PRKN: variants seen among roughly 807,000 people sequenced by gnomAD.
PRKN encodes parkin RBR E3 ubiquitin protein ligase, also known as E3 ubiquitin-protein ligase parkin.
In PRKN, 56 loss-of-function variants were observed where a neutral mutation model predicts 59.5. The ratio of observed to expected loss-of-function variants is 0.94; its 90% CI spans 0.76 to 1.18. The LOEUF (loss-of-function observed/expected upper bound fraction) is 1.18, where lower values mean the gene tolerates loss of function less well. Ranked by LOEUF, PRKN falls within the 50% of genes most tolerant of loss-of-function variation. PRKN has a pLI of 0.00. For missense variants in PRKN, 657 were observed against 596.4 expected (o/e 1.10, Z -1.06); for synonymous variants, 250 against 222.1 (o/e 1.13, Z -1.12).
At chr6:162,232,004 T>C (rs899204038) in intron 3 of PRKN, among the ~76,000 whole-genome samples, 6 of 152,148 alleles carry the variant, frequency 3.9e-5, no homozygotes, top group Non-Finnish European at 8.8e-5. Flanking sequence ...GGTCTGTCAC[T>C]GTGACCACTT....
chr6:161,509,638 GTGA>G (rs1284158087), intron 9 of PRKN, among the ~76,000 whole-genome samples: 1 of 15,380 alleles, frequency 6.5e-5, no homozygotes, highest in Admixed American at 4.2e-4. Flanking sequence ...TCAACACTTG[GTGA>G]GAGGCCGAGG....
At chr6:162,486,198 C>T (rs146204174) in intron 1 of PRKN, among the ~76,000 whole-genome samples, 2 of 152,216 alleles carry the variant, frequency 1.3e-5, no homozygotes, top group African/African-American at 2.4e-5. Context: ...GCTCTTAAAG[C>T]TGCATTACTA....
chr6:162,345,171 A>G (rs1021714651), intron 2 of PRKN, among the ~76,000 whole-genome samples: 1 of 152,186 alleles, frequency 6.6e-6, no homozygotes. Context: ...ATTGCTCCTC[A>G]CATATCAGCT....
chr6:161,685,221 T>C (rs1161180305), intron 7 of PRKN, among the ~76,000 whole-genome samples: 1 of 152,202 alleles, frequency 6.6e-6, no homozygotes, highest in Non-Finnish European at 1.5e-5. Flanking sequence ...CCCTCCTCCC[T>C]GTCTGGAATG....
In PRKN at chr6:161,574,977, C is replaced by A. The variant is rs146490044; in HGVS notation, c.872-5561G>T. 3.3e-5 allele frequency among the ~76,000 whole-genome samples: 5 copies of A among 152,276 alleles called. No homozygotes were observed. The East Asian group carries it at 9.7e-4, about 29-fold the overall frequency. ...CCACTTTTAAAGCCCGTCCTGCTGT[C>A]CTTGGAAATTTAAAAGAGAATGTCA... On this transcript the variant is annotated intron_variant, in intron 7 of 11. Coordinates refer to ENST00000366898, the MANE Select transcript of PRKN (RefSeq NM_004562.3).
At chr6:162,338,024 T>C (rs1381205102) in intron 2 of PRKN, among the ~76,000 whole-genome samples, 2 of 152,150 alleles carry the variant, frequency 1.3e-5, no homozygotes, top group African/African-American at 2.4e-5. Context: ...AAAAATTAAC[T>C]TTCCGATAAG....
At chr6:161,589,372 G>C (rs1421524400) in intron 7 of PRKN, among the ~76,000 whole-genome samples, 1 of 152,138 alleles carries the variant, frequency 6.6e-6, no homozygotes, top group Non-Finnish European at 1.5e-5. Flanking sequence ...TGAAAAATAA[G>C]ATTATACTTC....
intron 4 of PRKN, among the ~76,000 whole-genome samples, chr6:162,073,025 C>G (rs765739564): frequency 1.4e-4 from 21 of 152,270 alleles, no homozygotes; most frequent in African/African-American, 5.1e-4. Flanking sequence ...CATCCTCATG[C>G]TTCACTATCT....
At chr6:161,587,520 T>C (rs942162540) in intron 7 of PRKN, among the ~76,000 whole-genome samples, 1 of 152,202 alleles carries the variant, frequency 6.6e-6, no homozygotes, top group Non-Finnish European at 1.5e-5. Flanking sequence ...CTGTTTCAGA[T>C]AAAATTCATC....
intron 9 of PRKN, among the ~76,000 whole-genome samples, chr6:161,504,804 T>C (rs28578465): frequency 4.6e-5 from 7 of 151,260 alleles, no homozygotes; most frequent in Non-Finnish European, 8.8e-5. Flanking sequence ...GATAGTTTAC[T>C]GAGAATGATG....
Position 162,397,281 on chromosome 6 carries a change from G to C in PRKN, c.171+46029C>G, listed in dbSNP as rs147877223. Among the ~76,000 whole-genome samples, 204 of 152,188 alleles carry C rather than the reference G, an allele frequency of 1.3e-3. 1 individual carries two copies. Among genetic ancestry groups the C allele is most frequent in the African/African-American group, 4.7e-3 (193 of 41,502 alleles). Reference sequence around the variant, plus strand: ...GAAGGTAAGAAAAAGAAGCAAACTCGGGAATATCAACAGATTTGAGATGTC... The same window carrying C: ...GAAGGTAAGAAAAAGAAGCAAACTCCGGAATATCAACAGATTTGAGATGTC... On this transcript the variant is annotated intron_variant, in intron 2 of 11. Transcript: ENST00000366898.
chr6:161,642,243 G>C (rs1316108389), intron 7 of PRKN, among the ~76,000 whole-genome samples: 3 of 152,114 alleles, frequency 2.0e-5, no homozygotes, highest in Non-Finnish European at 4.4e-5. Context: ...GTCCATAAAT[G>C]TAATCAATAT....
At chr6:162,699,928 A>G (rs1428085669) in intron 1 of PRKN, among the ~76,000 whole-genome samples, 3 of 152,200 alleles carry the variant, frequency 2.0e-5, no homozygotes, top group African/African-American at 7.2e-5. Context: ...CATATCCTAG[A>G]GGAAGAGACT....
intron 4 of PRKN, among the ~76,000 whole-genome samples, chr6:162,146,906 T>G (rs181497966): frequency 2.0e-4 from 31 of 151,982 alleles, no homozygotes; most frequent in Non-Finnish European, 3.7e-4. Flanking sequence ...AATTTCTGTA[T>G]TTTTAGTAGA....
intron 4 of PRKN, among the ~76,000 whole-genome samples, chr6:162,137,433 T>C (rs1781597807): frequency 6.6e-6 from 1 of 152,212 alleles, no homozygotes; most frequent in African/African-American, 2.4e-5. Context: ...TTCTTCACTT[T>C]AAGGGTTATC....
At chr6:161,367,953 C>T (rs1785276239) in intron 10 of PRKN, among the ~76,000 whole-genome samples, 1 of 152,248 alleles carries the variant, frequency 6.6e-6, no homozygotes, top group South Asian at 2.1e-4. Flanking sequence ...GCCTGGCCTG[C>T]GAGCAGTCGG....
chr6:162,446,238 A>C lies in PRKN; in HGVS notation c.8-2765T>G, dbSNP rs897081500. Among the ~76,000 whole-genome samples the C allele has an allele frequency of 2.2e-4, 34 of 152,174 alleles. 1 individual carries two copies. The highest frequency in any genetic ancestry group is 2.0e-3 in the Admixed American group (31 of 15,274). On this transcript the variant is annotated intron_variant, in intron 1 of 11. Coordinates refer to ENST00000366898, the MANE Select transcript of PRKN (RefSeq NM_004562.3). Reference sequence around the variant, plus strand: ...AAGTTAGGGGCTATAGGGACAAAAGATATGACCCCAGTTCTAAATTTCATT... The same window carrying C: ...AAGTTAGGGGCTATAGGGACAAAAGCTATGACCCCAGTTCTAAATTTCATT...
At chr6:162,254,467 A>AG (rs1391324868) in intron 3 of PRKN, among the ~76,000 whole-genome samples, 1 of 151,958 alleles carries the variant, frequency 6.6e-6, no homozygotes, top group African/African-American at 2.4e-5. Flanking sequence ...AAAAAAAAAA[A>AG]AAAGGAAATA....
chr6:162,432,443 T>C (rs1789583406), intron 2 of PRKN, among the ~76,000 whole-genome samples: 1 of 152,108 alleles, frequency 6.6e-6, no homozygotes, highest in Non-Finnish European at 1.5e-5. Flanking sequence ...GGAGAATCGC[T>C]TGAATCCAAG....
Sources: allele counts gnomAD v4.1 joint callset (sites outside exome capture counted in the v4.1 genomes callset), GRCh38; gene constraint gnomAD v4.1.1; transcripts MANE v1.5; gene names NCBI Gene and HGNC (gene_info 2026-07-23, HGNC 2026-07-21).